The following ABLIM1 variants were observed in gnomAD, a reference collection of about 807,000 sequenced individuals.
The protein encoded by ABLIM1 is actin-binding LIM protein 1.
In ABLIM1, 40 loss-of-function variants were observed where a neutral mutation model predicts 107.0. The ratio of observed to expected loss-of-function variants is 0.37; its 90% CI spans 0.29 to 0.49. The LOEUF (loss-of-function observed/expected upper bound fraction) is 0.49. ABLIM1 is among the 20% of genes least tolerant of loss of function. ABLIM1 has a pLI of 0.97. For missense variants in ABLIM1, 857 were observed against 1,008.5 expected, an observed-to-expected ratio of 0.85 and a Z score of 2.04; for synonymous variants, 357 against 357.3, an observed-to-expected ratio of 1.00 and a Z score of 0.01.
rs942049569 is a variant in ABLIM1 at position 114,707,357 on chromosome 10, C to T, written c.-213+60704G>A. On this transcript the variant is annotated intron_variant, in intron 1 of 15. Transcript: ENST00000651092. This position sits in a 1 kb window ranked among gnomAD's most constrained non-coding sequence, Gnocchi z 4.1. ...AAGCGATTCTCCAGCCTCAGCCTTCCGAGTAGCTGGAACTACAGGCGCACA... is the reference window on the plus strand; with the variant it reads ...AAGCGATTCTCCAGCCTCAGCCTTCTGAGTAGCTGGAACTACAGGCGCACA... 2.0e-5 allele frequency among the ~76,000 whole-genome samples: 3 copies of T among 152,220 alleles called. No homozygotes were observed. Among genetic ancestry groups the T allele is most frequent in the East Asian group, 2.0e-4 (1 of 5,128 alleles).
intron 1 of ABLIM1, among the ~76,000 whole-genome samples, chr10:114,644,340 T>TACA: frequency 1.5e-5 from 2 of 134,184 alleles, no homozygotes; most frequent in African/African-American, 6.1e-5. Context: ...TGTGTATATA[T>TACA]TGTATATATA....
chr10:114,559,456 A>AAAAAAG (rs2069318247), intron 4 of ABLIM1, among the ~76,000 whole-genome samples: 1 of 141,850 alleles, frequency 7.0e-6, no homozygotes, highest in Non-Finnish European at 1.5e-5. Flanking sequence ...AAAAAAAAAA[A>AAAAAAG]AAAAAAGAAA....
chr10:114,601,771 C>G, intron 2 of ABLIM1, 56 bp downstream of exon 2: 1 of 1,613,524 alleles, frequency 6.2e-7, no homozygotes, highest in Non-Finnish European at 8.5e-7. Flanking sequence ...GGGCTGGACC[C>G]AAGGCAAGCC....
At chr10:114,791,285 T>C in the ABLIM1 span, among the ~76,000 whole-genome samples, 14 of 152,176 alleles carry the variant, frequency 9.2e-5, no homozygotes, top group African/African-American at 3.4e-4. Flanking sequence ...GACAGGGTCT[T>C]GCTTTGTTGC....
chr10:114,615,439 C>T (rs1233913316), intron 1 of ABLIM1: 3 of 372,870 alleles, frequency 8.0e-6, no homozygotes, highest in African/African-American at 4.1e-5. Flanking sequence ...CCCTGAACTA[C>T]CTTGTTAAAG....
At chr10:114,611,568 G>A (rs966624932) in intron 1 of ABLIM1, among the ~76,000 whole-genome samples, 1 of 152,072 alleles carries the variant, frequency 6.6e-6, no homozygotes, top group African/African-American at 2.4e-5. Context: ...CATAAAAGAC[G>A]CTGTCAGCAA....
chr10:114,783,551 A>G, the ABLIM1 span, among the ~76,000 whole-genome samples: 9 of 152,108 alleles, frequency 5.9e-5, no homozygotes, highest in African/African-American at 2.2e-4. Context: ...CATGAAAGGA[A>G]GAAGAAAAAG....
chr10:114,632,666 C>G, intron 1 of ABLIM1: 1 of 985,358 alleles, frequency 1.0e-6, no homozygotes, highest in Non-Finnish European at 1.2e-6. Flanking sequence ...GGATTCTATT[C>G]CTTATCCAGG....
At chr10:114,738,085 G>A (rs11817330) in intron 1 of ABLIM1, among the ~76,000 whole-genome samples, 6,924 of 152,188 alleles carry the variant, frequency 0.045, 261 homozygotes, top group African/African-American at 0.1. Context: ...GCCTCACTCT[G>A]TCGCCCAGAC....
At chr10:114,671,342 T>G (rs935899498) in intron 1 of ABLIM1, among the ~76,000 whole-genome samples, 5 of 152,218 alleles carry the variant, frequency 3.3e-5, no homozygotes, top group Non-Finnish European at 7.3e-5. Flanking sequence ...TTCTCCTGTT[T>G]GGGGACATTT....
intron 1 of ABLIM1, among the ~76,000 whole-genome samples, chr10:114,644,366 A>ACG (rs2078920257): frequency 6.9e-6 from 1 of 145,384 alleles, no homozygotes; most frequent in African/African-American, 2.6e-5. Context: ...ATATATACAC[A>ACG]CACACATTGG....
chr10:114,585,522 T>G (rs188511386), intron 2 of ABLIM1, among the ~76,000 whole-genome samples: 139 of 152,340 alleles, frequency 9.1e-4, no homozygotes, highest in Non-Finnish European at 8.5e-4. Flanking sequence ...CGATCTCCCC[T>G]GCTTACCTCT....
chr10:114,647,332 T>C (rs1280557161), intron 1 of ABLIM1, among the ~76,000 whole-genome samples: 1 of 145,498 alleles, frequency 6.9e-6, no homozygotes, highest in African/African-American at 2.8e-5. Flanking sequence ...GCCCCTATAA[T>C]GCCACTGGCT....
chr10:114,708,131 A>G (rs932263444), intron 1 of ABLIM1, among the ~76,000 whole-genome samples: 1 of 152,144 alleles, frequency 6.6e-6, no homozygotes, highest in Non-Finnish European at 1.5e-5. Context: ...AAGAGCGTTT[A>G]AAAAAGGAGC....
rs572381606 is a variant in ABLIM1 at position 114,608,624 on chromosome 10, G to C, written c.245-6663C>G. Among the ~76,000 whole-genome samples the C allele has an allele frequency of 5.9e-5, 9 of 152,150 alleles. No homozygotes were observed. In the East Asian group the frequency reaches 1.7e-3, roughly 29 times the overall value. On this transcript the variant is annotated intron_variant, in intron 1 of 22. Coordinates refer to ENST00000533213, the MANE Select transcript of ABLIM1 (RefSeq NM_002313.7). ...GCGGAGGTTGTGGTGAGCCGAGATC[G>C]TGCCATTGCACTCCATCCTGGGCAA...
intron 6 of ABLIM1, among the ~76,000 whole-genome samples, chr10:114,516,809 A>G (rs144175716): frequency 1.2e-3 from 181 of 152,362 alleles, no homozygotes; most frequent in East Asian, 3.3e-3. Flanking sequence ...CTCAGGGCTT[A>G]CAAAAGCACA....
At chr10:114,769,352 G>A (rs1566323671), upstream of ABLIM1, among the ~76,000 whole-genome samples, 1 of 143,106 alleles carries the variant, frequency 7.0e-6, no homozygotes, top group Non-Finnish European at 1.5e-5. Flanking sequence ...AGATAAGAAA[G>A]AAAGAAAAAG....
chr10:114,652,919 G>A (rs1363275612), intron 1 of ABLIM1, among the ~76,000 whole-genome samples: 2 of 152,150 alleles, frequency 1.3e-5, no homozygotes, highest in Non-Finnish European at 2.9e-5. Context: ...AATTTTCCTG[G>A]CAACAGCAAT....
chr10:114,609,184 C>T (rs2076641529), intron 1 of ABLIM1, among the ~76,000 whole-genome samples: 1 of 152,180 alleles, frequency 6.6e-6, no homozygotes, highest in South Asian at 2.1e-4. Flanking sequence ...CACAGACAGT[C>T]TGACTTTGCA....
Sources: allele counts gnomAD v4.1 joint callset (sites outside exome capture counted in the v4.1 genomes callset), GRCh38; gene constraint gnomAD v4.1.1; non-coding constraint Gnocchi (gnomAD v3.1); transcripts MANE v1.5; gene names NCBI Gene and HGNC (gene_info 2026-07-23, HGNC 2026-07-21).